The following GALNT18 variants were observed in gnomAD, a reference collection of about 807,000 sequenced individuals.
GALNT18 encodes the protein polypeptide N-acetylgalactosaminyltransferase 18.
In GALNT18, 44 loss-of-function variants were observed where a neutral mutation model predicts 69.5. The ratio of observed to expected loss-of-function variants is 0.63; its 90% CI spans 0.50 to 0.81. The LOEUF is 0.81. GALNT18 is among the 40% of genes least tolerant of loss of function. The probability of loss-of-function intolerance (pLI) is 0.00; values close to 1 mark genes in which losing one functional copy is unlikely to be tolerated. For synonymous variants in GALNT18, 364 were observed against 318.2 expected, an observed-to-expected ratio of 1.14 and a Z score of -1.53; for missense variants, 715 against 810.0, an observed-to-expected ratio of 0.88 and a Z score of 1.42.
Position 11,540,680 on chromosome 11 carries a change from G to C in GALNT18, c.235+80679C>G, listed in dbSNP as rs186586326. Among the ~76,000 whole-genome samples the C allele has an allele frequency of 5.9e-5, 9 of 152,278 alleles. No individual in the cohort carries two copies. Among genetic ancestry groups the C allele is most frequent in the Admixed American group, 5.9e-4 (9 of 15,294 alleles). ...TGTGATTTTTCCTGCCACCTCTAAT[G>C]AGATATGCACTTCAAAAAGGCACCC... On this transcript the variant is annotated intron_variant, in intron 1 of 10. Transcript: ENST00000227756. The surrounding 1 kb of genome is among the most constrained non-coding windows in gnomAD (Gnocchi z 4.6).
At chr11:11,285,033 G>T (rs1407772372) in intron 10 of GALNT18, among the ~76,000 whole-genome samples, 1 of 151,294 alleles carries the variant, frequency 6.6e-6, no homozygotes, top group Non-Finnish European at 1.5e-5. Context: ...TGGGGTAACA[G>T]GAACATCAAG....
chr11:11,580,747 C>A (rs10734188), intron 1 of GALNT18, among the ~76,000 whole-genome samples: 57,973 of 152,154 alleles, frequency 0.38, 12,829 homozygotes, highest in East Asian at 0.65. Context: ...CATAGCAGGG[C>A]TGCCTCCATC....
rs967377210 is a variant in GALNT18, at chr11:11,432,412, C to T, written c.595+209G>A. ...GAGAGTAGCCAGCCAGGAGAAAAAG[C>T]CTAAGGACCAGACCCCTCTGGGATG... On this transcript the variant is annotated intron_variant, in intron 3 of 10. Transcript: ENST00000227756. This position sits in a 1 kb window ranked among gnomAD's most constrained non-coding sequence, Gnocchi z 5.8. Among the ~76,000 whole-genome samples the T allele has an allele frequency of 6.6e-6, 1 of 152,186 alleles. No individual in the cohort carries two copies. Among genetic ancestry groups the T allele is most frequent in the Non-Finnish European group, 1.5e-5 (1 of 68,034 alleles).
chr11:11,426,074 C>G (rs1273839424), intron 3 of GALNT18, among the ~76,000 whole-genome samples: 1 of 152,170 alleles, frequency 6.6e-6, no homozygotes, highest in African/African-American at 2.4e-5. Context: ...GAAACATGGC[C>G]TTCGAGCTGC....
chr11:11,477,329 C>T (rs1590037860), intron 1 of GALNT18, among the ~76,000 whole-genome samples: 1 of 152,210 alleles, frequency 6.6e-6, no homozygotes, highest in East Asian at 1.9e-4. Flanking sequence ...TTGGGAGTAG[C>T]CAGTTGAAGC....
intron 3 of GALNT18, among the ~76,000 whole-genome samples, chr11:11,397,875 A>C (rs1854371522): frequency 6.6e-6 from 1 of 152,242 alleles, no homozygotes; most frequent in Admixed American, 6.5e-5. Context: ...ATGAGCAAGA[A>C]GGGGCCGCTG....
At chr11:11,528,627 T>C (rs2133938423) in intron 1 of GALNT18, among the ~76,000 whole-genome samples, 1 of 152,238 alleles carries the variant, frequency 6.6e-6, no homozygotes, top group African/African-American at 2.4e-5. Context: ...AGCATGTGGA[T>C]GATGGGCTAT....
chr11:11,469,175 T>C lies in GALNT18; in HGVS notation c.236-20239A>G, dbSNP rs1856219663. ...GGTAGCCAAGAAAAGCAGTCTGAGT[T>C]GCTATAAACATAAAGAAGCCCGTCT... On this transcript the variant is annotated intron_variant, in intron 1 of 10. Coordinates refer to ENST00000227756, the MANE Select transcript of GALNT18 (RefSeq NM_198516.3). This position sits in a 1 kb window ranked among gnomAD's most constrained non-coding sequence, Gnocchi z 4.2. Among the ~76,000 whole-genome samples, 1 of 152,176 alleles carries C rather than the reference T, an allele frequency of 6.6e-6. No homozygotes were observed. The highest frequency in any genetic ancestry group is 2.4e-5 in the African/African-American group (1 of 41,444).
rs1854490638 is a variant in GALNT18, at chr11:11,402,490, C to T, written c.596-23226G>A. 6.6e-6 allele frequency among the ~76,000 whole-genome samples: 1 copy of T among 152,198 alleles called. No individual in the cohort carries two copies. The highest frequency in any genetic ancestry group is 2.4e-5 in the African/African-American group (1 of 41,456). On this transcript the variant is annotated intron_variant, in intron 3 of 10. Transcript: ENST00000227756. The surrounding 1 kb of genome is among the most constrained non-coding windows in gnomAD (Gnocchi z 4.0). ...GGCAGAACTTTTCAGCAACAAAAAG[C>T]AAAATGATGAGCTTCTTTTGTCAAG...
Position 11,454,173 on chromosome 11 carries a change from G to A in GALNT18, c.236-5237C>T, listed in dbSNP as rs1297842424. Among the ~76,000 whole-genome samples the A allele has an allele frequency of 6.6e-6, 1 of 152,214 alleles. No individual in the cohort carries two copies. The highest frequency in any genetic ancestry group is 2.4e-5 in the African/African-American group (1 of 41,452). On this transcript the variant is annotated intron_variant, in intron 1 of 10. Transcript: ENST00000227756. This position sits in a 1 kb window ranked among gnomAD's most constrained non-coding sequence, Gnocchi z 4.2. The stretch of plus-strand genomic sequence containing the variant: ...TGCAGTCCTGTGCCAGCAGGTAGGA[G>A]CACAAAGCCAGTGAAGGCATGGCCG...
chr11:11,621,271 G>C lies in GALNT18; in HGVS notation c.235+88C>G. On this transcript the variant is annotated intron_variant, in intron 1 of 10. Transcript: ENST00000227756. The surrounding 1 kb of genome is among the most constrained non-coding windows in gnomAD (Gnocchi z 9.3). ...GGCCCCAGAGCCCCGCCGTGGCTGA[G>C]TTGATGCGCACCAGCCCCAGCGCAC... 1 of 1,096,890 alleles carries C rather than the reference G, an allele frequency of 9.1e-7. No homozygotes were observed. Among genetic ancestry groups the C allele is most frequent in the Non-Finnish European group, 1.3e-6 (1 of 745,104 alleles). 67.9% of individuals were successfully genotyped at this position (1,096,890 alleles called of 1,614,324 possible).
chr11:11,290,545 C>A (rs1441985260), intron 10 of GALNT18, among the ~76,000 whole-genome samples: 2 of 152,202 alleles, frequency 1.3e-5, no homozygotes, highest in Non-Finnish European at 2.9e-5. Flanking sequence ...CCCCTGACTC[C>A]CGGCAGCTCC....
intron 1 of GALNT18, among the ~76,000 whole-genome samples, chr11:11,534,034 C>A (rs1857717582): frequency 6.6e-6 from 1 of 152,232 alleles, no homozygotes; most frequent in Non-Finnish European, 1.5e-5. Flanking sequence ...AGCCTCATCA[C>A]ACCCCATGCT....
chr11:11,602,608 C>A lies in GALNT18; in HGVS notation c.235+18751G>T, dbSNP rs192379845. On this transcript the variant is annotated intron_variant, in intron 1 of 10. Transcript: ENST00000227756. This position sits in a 1 kb window ranked among gnomAD's most constrained non-coding sequence, Gnocchi z 4.7. ...AGATTTTCTTGAATAAGTGTTTCTT[C>A]ATTTTATGTATCTCATCAGGGCAAT... Among the ~76,000 whole-genome samples, 63 of 152,264 alleles carry A rather than the reference C, an allele frequency of 4.1e-4. No homozygotes were observed. Among genetic ancestry groups the A allele is most frequent in the African/African-American group, 1.4e-3 (60 of 41,562 alleles).
intron 6 of GALNT18, among the ~76,000 whole-genome samples, chr11:11,359,702 G>A (rs951768269): frequency 4.6e-5 from 7 of 152,154 alleles, no homozygotes; most frequent in Non-Finnish European, 7.3e-5. Flanking sequence ...GAAATGGTAC[G>A]GTGGTCATTT....
chr11:11,561,706 G>A (rs139525241), intron 1 of GALNT18, among the ~76,000 whole-genome samples: 111 of 152,344 alleles, frequency 7.3e-4, no homozygotes, highest in Non-Finnish European at 1.4e-3. Context: ...CAGGTGTCAT[G>A]GGTGTGGTTT....
intron 1 of GALNT18, among the ~76,000 whole-genome samples, chr11:11,495,775 G>T (rs772350419): frequency 6.6e-6 from 1 of 152,122 alleles, no homozygotes. Context: ...TTATAGAAGC[G>T]GTAGCAGAGG....
chr11:11,281,431 C>T (rs1849072867), intron 10 of GALNT18, among the ~76,000 whole-genome samples: 1 of 152,184 alleles, frequency 6.6e-6, no homozygotes, highest in Admixed American at 6.5e-5. Context: ...AAGCGCACAA[C>T]AAACGGGCCC....
At chr11:11,327,870 A>G (rs1849952213) in intron 8 of GALNT18, among the ~76,000 whole-genome samples, 1 of 152,030 alleles carries the variant, frequency 6.6e-6, no homozygotes, top group Non-Finnish European at 1.5e-5. Flanking sequence ...CAGCCCATAG[A>G]CCTCATGGCC....
Sources: allele counts gnomAD v4.1 joint callset (sites outside exome capture counted in the v4.1 genomes callset), GRCh38; gene constraint gnomAD v4.1.1; non-coding constraint Gnocchi (gnomAD v3.1); transcripts MANE v1.5; gene names NCBI Gene and HGNC (gene_info 2026-07-23, HGNC 2026-07-21).